PGRMC2: variants seen among roughly 807,000 people sequenced by gnomAD.
PGRMC2 encodes the protein progesterone receptor membrane component 2.
A neutral mutation model predicts 19.3 loss-of-function variants in PGRMC2; 9 were observed. That is an observed-to-expected ratio of 0.47 (90% CI 0.28 to 0.81). The LOEUF (loss-of-function observed/expected upper bound fraction) is 0.81. PGRMC2 is among the 40% of genes least tolerant of loss of function. The probability of loss-of-function intolerance (pLI) is 0.11; values close to 1 mark genes in which losing one functional copy is unlikely to be tolerated. For missense variants in PGRMC2, 289 were observed against 297.3 expected (o/e 0.97, Z 0.21); for synonymous variants, 157 against 124.6 (o/e 1.26, Z -1.73).
chr4:128,280,795 C>T (rs1373841725), intron 1 of PGRMC2, among the ~76,000 whole-genome samples: 3 of 152,020 alleles, frequency 2.0e-5, no homozygotes, highest in African/African-American at 4.8e-5. Flanking sequence ...GACAGAGTCT[C>T]GCCATATTGC....
intron 1 of PGRMC2, chr4:128,287,013 G>A (rs991922866): frequency 2.7e-6 from 1 of 370,388 alleles, no homozygotes. Flanking sequence ...ACTCAAAAAA[G>A]GTTAAGGGCC....
At chr4:128,278,790 CTT>C (rs1310651409) in intron 1 of PGRMC2, among the ~76,000 whole-genome samples, 1 of 152,112 alleles carries the variant, frequency 6.6e-6, no homozygotes, top group African/African-American at 2.4e-5. Flanking sequence ...AAAACCAAAA[CTT>C]TGTGTGGTTC....
In PGRMC2 at chr4:128,272,418, G is replaced by A. The variant is rs765349385; in HGVS notation, c.518C>T (p.Ser173Leu). ...CTCCATTTGTACTGCATTCAAATCT[G>A]AGAGATCATCATATTCATCTCTAAG... ...DALRDEYDDL[S>L]DLNAVQMESV... The change falls in exon 2 of 3, where the codon TCA becomes TTA. Residue 173 changes from serine (S) to leucine (L), a missense_variant. Ser to Leu is a moderately radical substitution (Grantham distance 145). Coordinates refer to ENST00000296425, the MANE Select transcript of PGRMC2 (RefSeq NM_006320.6). 4 of 1,587,992 alleles carry A rather than the reference G, an allele frequency of 2.5e-6. No individual in the cohort carries two copies. The highest frequency in any genetic ancestry group is 2.3e-5 in the East Asian group (1 of 43,622).
intron 1 of PGRMC2, among the ~76,000 whole-genome samples, chr4:128,282,254 G>C (rs1760919039): frequency 1.3e-5 from 2 of 152,154 alleles, no homozygotes; most frequent in Non-Finnish European, 2.9e-5. Context: ...TATTATTAAA[G>C]ATCCTGAGAC....
intron 1 of PGRMC2, among the ~76,000 whole-genome samples, chr4:128,277,269 C>A (rs575068006): frequency 3.0e-4 from 46 of 152,296 alleles, no homozygotes; most frequent in Non-Finnish European, 5.4e-4. Context: ...AACTTGTGGT[C>A]AAGATATTTT....
intron 1 of PGRMC2, among the ~76,000 whole-genome samples, chr4:128,277,507 G>C (rs1197814239): frequency 1.3e-5 from 2 of 152,110 alleles, no homozygotes; most frequent in Non-Finnish European, 2.9e-5. Context: ...TTTCTAAAGG[G>C]ATATTTTAAT....
intron 1 of PGRMC2, among the ~76,000 whole-genome samples, chr4:128,280,080 A>T (rs990597066): frequency 6.6e-6 from 1 of 152,152 alleles, no homozygotes; most frequent in African/African-American, 2.4e-5. Flanking sequence ...CTCCAAAATT[A>T]AAAAAAGTAA....
At chr4:128,286,586 GA>G (rs1013107478) in intron 1 of PGRMC2, 6 of 391,386 alleles carry the variant, frequency 1.5e-5, no homozygotes, top group Admixed American at 9.0e-5. Context: ...CTTGAAAAGA[GA>G]AAAAAAAAGA....
intron 1 of PGRMC2, chr4:128,286,807 G>A (rs1418636653): frequency 2.0e-5 from 8 of 392,958 alleles, no homozygotes; most frequent in Non-Finnish European, 3.6e-5. Context: ...AGACTGGAGG[G>A]TTGGGACTTT....
chr4:128,271,783 T>A (rs1760734135), intron 2 of PGRMC2, among the ~76,000 whole-genome samples: 1 of 152,202 alleles, frequency 6.6e-6, no homozygotes, highest in African/African-American at 2.4e-5. Flanking sequence ...AGGGGTCAGA[T>A]AAACAGCTGG....
At position 128,270,414 on chromosome 4, in the gene PGRMC2, T is replaced by C. The variant is rs1222603444; in HGVS notation, c.*902A>G. On this transcript the variant is annotated 3_prime_UTR_variant, in exon 3 of 3. Coordinates refer to ENST00000296425, the MANE Select transcript of PGRMC2 (RefSeq NM_006320.6). The stretch of plus-strand genomic sequence containing the variant: ...ACAATGCTAATTGAGTTTGTGTATA[T>C]TACATATATGGCAGTTAACACTGTA... 1 of 152,652 alleles carries C rather than the reference T, an allele frequency of 6.6e-6. No individual in the cohort carries two copies. 9.5% of individuals were successfully genotyped at this position (152,652 alleles called of 1,614,324 possible). A position where few individuals can be genotyped will look rare whatever the true frequency, so the allele number is the denominator to read the frequency against.
Position 128,270,223 on chromosome 4 carries a change from A to T in PGRMC2, c.*1093T>A. The stretch of plus-strand genomic sequence containing the variant: ...AAGAGTCCCTTCCAAGGCCTCACAC[A>T]TTCAGACACATCCATACTGACACCC... On this transcript the variant is annotated 3_prime_UTR_variant, in exon 3 of 3. Transcript: ENST00000296425. The T allele has an allele frequency of 6.5e-6, 1 of 152,678 alleles. No homozygotes were observed. The allele number at this position is 152,678 out of a possible 1,614,324, so 9.5% of individuals were successfully genotyped here. A position where few individuals can be genotyped will look rare whatever the true frequency, so the allele number is the denominator to read the frequency against.
intron 2 of PGRMC2, among the ~76,000 whole-genome samples, chr4:128,271,998 T>A (rs1405662873): frequency 6.6e-6 from 1 of 152,262 alleles, no homozygotes; most frequent in East Asian, 1.9e-4. Flanking sequence ...ACTGTAAGTA[T>A]CACAATTTTT....
chr4:128,283,047 G>A (rs115902753), intron 1 of PGRMC2, among the ~76,000 whole-genome samples: 1,587 of 152,118 alleles, frequency 0.01, 23 homozygotes, highest in African/African-American at 0.035. Context: ...GTTCAACAAC[G>A]CAAAATAAAC....
At chr4:128,286,574 T>C (rs1056587664) in intron 1 of PGRMC2, 2 of 398,068 alleles carry the variant, frequency 5.0e-6, no homozygotes, top group Non-Finnish European at 8.9e-6. Context: ...TATCAACGTG[T>C]ACTTGAAAAG....
At chr4:128,278,730 T>C (rs1301794713) in intron 1 of PGRMC2, among the ~76,000 whole-genome samples, 4 of 152,152 alleles carry the variant, frequency 2.6e-5, no homozygotes, top group Non-Finnish European at 4.4e-5. Flanking sequence ...AGTCTTTAAA[T>C]ATAATACATA....
intron 1 of PGRMC2, among the ~76,000 whole-genome samples, chr4:128,275,500 T>G (rs1011010679): frequency 1.3e-5 from 2 of 152,202 alleles, no homozygotes; most frequent in African/African-American, 4.8e-5. Context: ...AAGAGTGAAC[T>G]TGAGTCAACA....
intron 1 of PGRMC2, among the ~76,000 whole-genome samples, chr4:128,275,599 A>T (rs552502462): frequency 2.6e-5 from 4 of 152,062 alleles, no homozygotes; most frequent in African/African-American, 9.6e-5. Context: ...ATATTCCCCC[A>T]CTCCCTAAAC....
At position 128,287,436 on chromosome 4, in the gene PGRMC2, T is replaced by C. The variant is rs1254716998; in HGVS notation, c.355A>G (p.Ile119Val). The change falls in exon 1 of 3, where the codon ATC (isoleucine) becomes GTC (valine). Residue 119 changes from isoleucine to valine, a missense_variant. Ile to Val is a conservative substitution (Grantham distance 29). Coordinates refer to ENST00000296425, the MANE Select transcript of PGRMC2 (RefSeq NM_006320.6). ...RQYDGSRNPR[I>V]LLAVNGKVFD... ...ACTTTCCCATTGACCGCGAGCAGGA[T>C]GCGCGGGTTGCGGGAGCCGTCGTAC... 6.2e-7 allele frequency: 1 copy of C among 1,613,404 alleles called. No individual in the cohort carries two copies. Among genetic ancestry groups the C allele is most frequent in the Middle Eastern group, 1.7e-4 (1 of 6,056 alleles).
Sources: allele counts gnomAD v4.1 joint callset (sites outside exome capture counted in the v4.1 genomes callset), GRCh38; gene constraint gnomAD v4.1.1; transcripts MANE v1.5; gene names NCBI Gene and HGNC (gene_info 2026-07-23, HGNC 2026-07-21).